The following ATF7 variants were observed in gnomAD, a reference collection of about 807,000 sequenced individuals.
ATF7 encodes cyclic AMP-dependent transcription factor ATF-7.
ATF7 carries 10 observed loss-of-function variants against 50.4 expected under a neutral mutation model. That is an observed-to-expected ratio of 0.20 (90% CI 0.12 to 0.34). The LOEUF is 0.34. Ranked by LOEUF, ATF7 falls within the 10% of genes least tolerant of loss-of-function variation. The pLI is 1.00. For missense variants in ATF7, 465 were observed against 613.9 expected (o/e 0.76, Z 2.56); for synonymous variants, 201 against 226.4 (o/e 0.89, Z 1.01).
intron 2 of ATF7, among the ~76,000 whole-genome samples, chr12:53,580,551 C>A (rs1942369245): frequency 6.7e-6 from 1 of 150,048 alleles, no homozygotes; most frequent in Admixed American, 6.7e-5. Flanking sequence ...GTAGTCCCAG[C>A]TACTCAGAAG....
At chr12:53,595,343 A>G (rs1363258720) in intron 2 of ATF7, among the ~76,000 whole-genome samples, 2 of 152,238 alleles carry the variant, frequency 1.3e-5, no homozygotes, top group East Asian at 1.9e-4. Context: ...ATAAAGAATT[A>G]GTAATCACCA....
At chr12:53,615,391 A>AG (rs1944080210) in intron 1 of ATF7, among the ~76,000 whole-genome samples, 1 of 152,166 alleles carries the variant, frequency 6.6e-6, no homozygotes. Context: ...CTCAAAAAAA[A>AG]GAAAAGAAAA....
chr12:53,585,609 C>T (rs148702901), intron 2 of ATF7, among the ~76,000 whole-genome samples: 1 of 152,262 alleles, frequency 6.6e-6, no homozygotes, highest in African/African-American at 2.4e-5. Context: ...CTTGCATATT[C>T]ATTCTCATAC....
At chr12:53,589,558 C>T (rs1942859011) in intron 2 of ATF7, among the ~76,000 whole-genome samples, 1 of 152,126 alleles carries the variant, frequency 6.6e-6, no homozygotes, top group Non-Finnish European at 1.5e-5. Flanking sequence ...TAACCCTGAC[C>T]ACCATGCTAA....
intron 1 of ATF7, among the ~76,000 whole-genome samples, chr12:53,622,768 T>C (rs1311337110): frequency 6.6e-6 from 1 of 151,942 alleles, no homozygotes; most frequent in Non-Finnish European, 1.5e-5. Context: ...AGCCTAGGAA[T>C]TCCAGAAGAG....
chr12:53,535,840 G>A (rs554682022), intron 5 of ATF7, among the ~76,000 whole-genome samples: 3 of 152,130 alleles, frequency 2.0e-5, no homozygotes, highest in African/African-American at 7.2e-5. Context: ...ACAGTGATGT[G>A]CATTAAAGTC....
intron 2 of ATF7, among the ~76,000 whole-genome samples, chr12:53,582,760 C>T (rs371851113): frequency 1.7e-4 from 26 of 151,702 alleles, no homozygotes; most frequent in African/African-American, 3.1e-4. Context: ...TTGTATTAGC[C>T]GGGATTAGTA....
rs201510652 is a variant in ATF7 at position 53,523,295 on chromosome 12, T to C, written c.1215A>G (p.Lys405=). The C allele has an allele frequency of 9.1e-4, 1,464 of 1,613,428 alleles. 2 individuals are homozygous for C. The highest frequency in any genetic ancestry group is 1.1e-3 in the Non-Finnish European group (1,332 of 1,179,438). The change falls in exon 11 of 12, where the codon AAA becomes AAG. Residue 405 remains lysine, a synonymous_variant. Coordinates refer to ENST00000420353, the MANE Select transcript of ATF7 (RefSeq NM_006856.3). ...HKDCPVTALQ[K]KTQGYLESPK... Reference sequence around the variant, plus strand: ...ACTCACCTAAATAGCCTTGAGTCTTTTTCTGTAGTGCAGTGACTGGGCAGT... The same window carrying C: ...ACTCACCTAAATAGCCTTGAGTCTTCTTCTGTAGTGCAGTGACTGGGCAGT...
At chr12:53,521,216 T>C (rs1405049974) in intron 11 of ATF7, among the ~76,000 whole-genome samples, 4 of 152,182 alleles carry the variant, frequency 2.6e-5, no homozygotes, top group Admixed American at 2.6e-4. Flanking sequence ...GGTCTCGAAC[T>C]CTCGACCTCA....
chr12:53,568,979 T>C (rs1941605709), intron 2 of ATF7, among the ~76,000 whole-genome samples: 2 of 151,882 alleles, frequency 1.3e-5, no homozygotes, highest in African/African-American at 4.8e-5. Context: ...CAATATATAT[T>C]GAAATCCTGT....
At chr12:53,550,132 G>C (rs1305339499) in intron 3 of ATF7, among the ~76,000 whole-genome samples, 2 of 151,868 alleles carry the variant, frequency 1.3e-5, no homozygotes, top group Admixed American at 1.3e-4. Flanking sequence ...AGACCAGCCT[G>C]GCCAACATGG....
At chr12:53,544,781 C>T (rs1446663661) in intron 3 of ATF7, among the ~76,000 whole-genome samples, 1 of 152,012 alleles carries the variant, frequency 6.6e-6, no homozygotes, top group Non-Finnish European at 1.5e-5. Context: ...AAAAACACCC[C>T]TTCTAGCCTG....
chr12:53,540,475 G>A (rs1159196104), intron 4 of ATF7, among the ~76,000 whole-genome samples: 1 of 152,070 alleles, frequency 6.6e-6, no homozygotes, highest in Non-Finnish European at 1.5e-5. Flanking sequence ...TATAATCCCA[G>A]CACTTTGGGA....
At chr12:53,621,706 T>C (rs1358766189) in intron 1 of ATF7, among the ~76,000 whole-genome samples, 1 of 150,686 alleles carries the variant, frequency 6.6e-6, no homozygotes, top group Admixed American at 6.7e-5. Flanking sequence ...GGAGAATCGC[T>C]TGAACCCGGG....
chr12:53,545,341 CAG>C (rs1402276753), intron 3 of ATF7, among the ~76,000 whole-genome samples: 1 of 152,052 alleles, frequency 6.6e-6, no homozygotes, highest in Non-Finnish European at 1.5e-5. Context: ...TGTTTTGATA[CAG>C]AGTTTCCCTC....
intron 2 of ATF7, among the ~76,000 whole-genome samples, chr12:53,559,858 A>G (rs1940995448): frequency 6.6e-6 from 1 of 152,150 alleles, no homozygotes; most frequent in Admixed American, 6.6e-5. Context: ...ATTATATAAA[A>G]CAGTACAGTA....
chr12:53,619,189 G>GT (rs1944273000), intron 1 of ATF7, among the ~76,000 whole-genome samples: 1 of 152,024 alleles, frequency 6.6e-6, no homozygotes, highest in Non-Finnish European at 1.5e-5. Context: ...AGGGAATAAA[G>GT]TTTTTTTCCT....
rs539349895 is a variant in ATF7, at chr12:53,547,858, T to C, written c.146-4410A>G. 5.3e-5 allele frequency among the ~76,000 whole-genome samples: 8 copies of C among 151,992 alleles called. No homozygotes were observed. The East Asian group carries it at 1.5e-3, about 29-fold the overall frequency. On this transcript the variant is annotated intron_variant, in intron 3 of 11. Coordinates refer to ENST00000420353, the MANE Select transcript of ATF7 (RefSeq NM_006856.3). ...TCCAGGCTGGAGTGCAGTGGTGTGATTATAGCTATGTATGTATGTATGTAT... is the reference window on the plus strand; with the variant it reads ...TCCAGGCTGGAGTGCAGTGGTGTGACTATAGCTATGTATGTATGTATGTAT...
intron 2 of ATF7, among the ~76,000 whole-genome samples, chr12:53,554,328 A>G (rs2137517369): frequency 6.6e-6 from 1 of 151,642 alleles, no homozygotes; most frequent in East Asian, 2.0e-4. Flanking sequence ...ATGGGGTTTC[A>G]CCATATTGGT....
Sources: gnomAD v4.1 joint callset for allele counts (sites outside exome capture counted in the v4.1 genomes callset) on GRCh38, gnomAD v4.1.1 for gene constraint, MANE v1.5 for transcripts, NCBI Gene and HGNC (gene_info 2026-07-23, HGNC 2026-07-21) for gene names.